The following SRGAP3 variants were observed in gnomAD, a reference collection of about 807,000 sequenced individuals.
The protein encoded by SRGAP3 is SLIT-ROBO Rho GTPase activating protein 3.
A neutral mutation model predicts 121.1 loss-of-function variants in SRGAP3; 39 were observed. That is an observed-to-expected ratio of 0.32 (90% CI 0.25 to 0.42). The LOEUF (loss-of-function observed/expected upper bound fraction) is 0.42, where lower values mean the gene tolerates loss of function less well. Ranked by LOEUF, SRGAP3 falls within the 10% of genes least tolerant of loss-of-function variation. The pLI is 1.00. For missense variants in SRGAP3, 1,213 were observed against 1,470.6 expected (o/e 0.82, Z 2.86); for synonymous variants, 601 against 570.0 (o/e 1.05, Z -0.77).
intron 3 of SRGAP3, among the ~76,000 whole-genome samples, chr3:9,092,590 A>T (rs1336973813): frequency 6.6e-6 from 1 of 152,186 alleles, no homozygotes; most frequent in African/African-American, 2.4e-5. Context: ...AGTGAATGTG[A>T]TATTCTCAAC....
chr3:9,146,971 C>T (rs1244000627), intron 1 of SRGAP3, among the ~76,000 whole-genome samples: 1 of 152,196 alleles, frequency 6.6e-6, no homozygotes, highest in African/African-American at 2.4e-5. Context: ...TCCACGCACA[C>T]CTGCAGTTTG....
At chr3:9,145,727 G>A (rs1183027678) in intron 1 of SRGAP3, among the ~76,000 whole-genome samples, 2 of 152,186 alleles carry the variant, frequency 1.3e-5, no homozygotes, top group Non-Finnish European at 2.9e-5. Context: ...CATCAAGAAG[G>A]AAAGGAACTC....
intron 3 of SRGAP3, among the ~76,000 whole-genome samples, chr3:9,083,183 C>T (rs1947317204): frequency 6.6e-6 from 1 of 152,218 alleles, no homozygotes; most frequent in South Asian, 2.1e-4. Context: ...ACTCCAGATT[C>T]TCTGACACTC....
At position 9,287,990 on chromosome 3, in the gene SRGAP3, C is replaced by T. The variant is rs552875669; in HGVS notation, n.442+38020G>A. On this transcript the variant is annotated intron_variant and non_coding_transcript_variant, in intron 3 of 3. Transcript: ENST00000490889. ...GCTTCCTGAATGTATGGACAGGTAT[C>T]TTTCACCAGTACTGAAAAATTCTTA... Among the ~76,000 whole-genome samples the T allele has an allele frequency of 2.8e-3, 427 of 152,168 alleles. 3 individuals are homozygous for T. Among genetic ancestry groups the T allele is most frequent in the African/African-American group, 9.9e-3 (411 of 41,524 alleles).
In SRGAP3 at chr3:9,163,996, T is replaced by TC. The variant is rs1248579489; in HGVS notation, c.68-39080_68-39079insG. On this transcript the variant is annotated intron_variant, in intron 1 of 21. Coordinates refer to ENST00000383836, the MANE Select transcript of SRGAP3 (RefSeq NM_014850.4). ...CCAGCAACTACTATTCTTTTTTTTT[T>TC]TTTTTTTTTTTTTTTTTTGAGACAG... Among the ~76,000 whole-genome samples the TC allele has an allele frequency of 1.4e-5, 2 of 141,478 alleles. 1 individual carries two copies. Among genetic ancestry groups the TC allele is most frequent in the East Asian group, 4.0e-4 (2 of 4,976 alleles). 92.8% of individuals were successfully genotyped at this position (141,478 alleles called of 152,430 possible). A position where few individuals can be genotyped will look rare whatever the true frequency, so the allele number is the denominator to read the frequency against.
intron 1 of SRGAP3, among the ~76,000 whole-genome samples, chr3:9,247,253 G>A (rs1053871792): frequency 2.0e-5 from 3 of 152,156 alleles, no homozygotes; most frequent in Non-Finnish European, 4.4e-5. Context: ...GCAGTTGGGT[G>A]AATTAAAATC....
At chr3:9,228,552 G>C (rs1269853714) in intron 1 of SRGAP3, among the ~76,000 whole-genome samples, 4 of 152,146 alleles carry the variant, frequency 2.6e-5, no homozygotes, top group African/African-American at 9.7e-5. Context: ...TAAATCCTTG[G>C]GGGTTACACT....
At chr3:9,221,111 A>T (rs995153974) in intron 1 of SRGAP3, among the ~76,000 whole-genome samples, 42 of 150,090 alleles carry the variant, frequency 2.8e-4, no homozygotes, top group African/African-American at 1.0e-3. Context: ...GTCTTTCCCC[A>T]GCACTGCCCC....
At chr3:9,317,441 T>C (rs923580762) in intron 3 of SRGAP3, among the ~76,000 whole-genome samples, 1 of 152,238 alleles carries the variant, frequency 6.6e-6, no homozygotes, top group African/African-American at 2.4e-5. Flanking sequence ...CCCATCTCAC[T>C]GTTTTCCTTC....
At chr3:9,077,649 C>T (rs1222566641) in intron 4 of SRGAP3, among the ~76,000 whole-genome samples, 1 of 152,220 alleles carries the variant, frequency 6.6e-6, no homozygotes, top group Non-Finnish European at 1.5e-5. Flanking sequence ...CCCTGCCTGG[C>T]CTGTGTCTCC....
At chr3:9,240,217 CTG>C (rs1373909874) in intron 1 of SRGAP3, among the ~76,000 whole-genome samples, 4 of 152,140 alleles carry the variant, frequency 2.6e-5, no homozygotes, top group Non-Finnish European at 5.9e-5. Flanking sequence ...ATTCAACAAA[CTG>C]AGGGAATAGA....
In SRGAP3 at chr3:8,981,591, C is replaced by T; in HGVS notation, c.*3928G>A. 1 of 232,944 alleles carries T rather than the reference C, an allele frequency of 4.3e-6. No individual in the cohort carries two copies. Among genetic ancestry groups the T allele is most frequent in the Middle Eastern group, 1.3e-3 (1 of 778 alleles). The allele number at this position is 232,944 out of a possible 1,614,324, so 14.4% of individuals were successfully genotyped here. A position where few individuals can be genotyped will look rare whatever the true frequency, so the allele number is the denominator to read the frequency against. On this transcript the variant is annotated 3_prime_UTR_variant, in exon 22 of 22. Coordinates refer to ENST00000383836, the MANE Select transcript of SRGAP3 (RefSeq NM_014850.4). ...CTCCACATTCGTGCCTCCTGAATGA[C>T]AGAGAAATATACCCAACAAGGCACT...
At chr3:9,306,435 A>C (rs770739919) in intron 3 of SRGAP3, among the ~76,000 whole-genome samples, 93 of 152,194 alleles carry the variant, frequency 6.1e-4, no homozygotes, top group Non-Finnish European at 7.4e-4. Context: ...CCATTTGTCT[A>C]TTTTGGCTTT....
chr3:8,998,871 T>G (rs1391867291), intron 18 of SRGAP3, among the ~76,000 whole-genome samples: 1 of 152,182 alleles, frequency 6.6e-6, no homozygotes, highest in Non-Finnish European at 1.5e-5. Flanking sequence ...GAACTGAAGC[T>G]GGGTTGAATG....
chr3:9,180,560 G>A (rs1951353215), intron 1 of SRGAP3, among the ~76,000 whole-genome samples: 1 of 152,160 alleles, frequency 6.6e-6, no homozygotes, highest in Non-Finnish European at 1.5e-5. Flanking sequence ...AGTTCCTACA[G>A]GCAAGTTTCA....
intron 10 of SRGAP3, among the ~76,000 whole-genome samples, chr3:9,042,438 G>GAAAAAAAAA (rs3070001): frequency 7.5e-6 from 1 of 132,752 alleles, no homozygotes. Context: ...TTTATTTACA[G>GAAAAAAAAA]AAAAAAAAAA....
chr3:9,193,109 G>T (rs567244427), intron 1 of SRGAP3: 1 of 152,232 alleles, frequency 6.6e-6, no homozygotes, highest in Non-Finnish European at 1.5e-5. Flanking sequence ...TGGGGTGAGG[G>T]AGACAAGTCA....
intron 4 of SRGAP3, among the ~76,000 whole-genome samples, chr3:9,079,499 G>A (rs757706896): frequency 6.6e-6 from 1 of 152,240 alleles, no homozygotes; most frequent in Non-Finnish European, 1.5e-5. Context: ...ACCACACTGT[G>A]ATGTTATGAA....
chr3:9,348,657 G>A (rs910401714), intron 1 of SRGAP3: 4 of 1,080,808 alleles, frequency 3.7e-6, no homozygotes, highest in Non-Finnish European at 5.7e-6. Flanking sequence ...AGTGCTAGAT[G>A]CCATTGATCA....
Sources: allele counts gnomAD v4.1 joint callset (sites outside exome capture counted in the v4.1 genomes callset), GRCh38; gene constraint gnomAD v4.1.1; transcripts MANE v1.5; gene names NCBI Gene and HGNC (gene_info 2026-07-23, HGNC 2026-07-21).